GALNT5: variants seen among roughly 807,000 people sequenced by gnomAD.
GALNT5 encodes UDP-GalNAc:polypeptide N-acetylgalactosaminyltransferase 5.
In GALNT5, 72 loss-of-function variants were observed where a neutral mutation model predicts 85.4. The ratio of observed to expected loss-of-function variants is 0.84; its 90% confidence interval spans 0.70 to 1.03. The LOEUF is 1.03. Ranked by LOEUF, GALNT5 falls within the 50% of genes least tolerant of loss-of-function variation. GALNT5 has a pLI of 0.00. For missense variants in GALNT5, 1,137 were observed against 1,135.5 expected, an observed-to-expected ratio of 1.00 and a Z score of -0.02; for synonymous variants, 404 against 397.0, an observed-to-expected ratio of 1.02 and a Z score of -0.21.
intron 5 of GALNT5, 47 bp downstream of exon 5, chr2:157,296,560 G>A (rs1394550900): frequency 1.3e-6 from 2 of 1,487,626 alleles, no homozygotes; most frequent in African/African-American, 1.4e-5. Flanking sequence ...GTATCTTTTT[G>A]TAAAAGCATT....
At position 157,292,864 on chromosome 2, in the gene GALNT5, C is replaced by T. The variant is rs1403745138; in HGVS notation, c.1742-2799C>T. ...GGGGCTACAGGCACACACACACGCC[C>T]GATTGATTTTTGTATTTTTAGTAGA... is the stretch of plus-strand genomic sequence containing the variant. On this transcript the variant is annotated intron_variant, in intron 3 of 9. Coordinates refer to ENST00000259056, the MANE Select transcript of GALNT5 (RefSeq NM_014568.3). Among the ~76,000 whole-genome samples the T allele has an allele frequency of 3.9e-5, 6 of 152,048 alleles. No individual in the cohort carries two copies. In the East Asian group the frequency reaches 5.8e-4, roughly 15 times the overall value.
At chr2:157,262,909 A>G (rs374775117) in intron 1 of GALNT5, among the ~76,000 whole-genome samples, 51 of 144,094 alleles carry the variant, frequency 3.5e-4, no homozygotes, top group Middle Eastern at 7.0e-3. Flanking sequence ...CTCACTGCAA[A>G]CTCCGCCTCC....
At chr2:157,297,289 T>TGATG in intron 5 of GALNT5, among the ~76,000 whole-genome samples, 1 of 152,274 alleles carries the variant, frequency 6.6e-6, no homozygotes, top group Middle Eastern at 3.4e-3. Flanking sequence ...TTGCCAGGTG[T>TGATG]GATGCCTTCA....
chr2:157,301,450 G>C (rs1247665845), intron 7 of GALNT5: 2 of 197,040 alleles, frequency 1.0e-5, no homozygotes, highest in Non-Finnish European at 2.1e-5. Flanking sequence ...TTGTAACTCA[G>C]GCCTAAAACA....
chr2:157,274,790 C>A (rs950119662), intron 1 of GALNT5, among the ~76,000 whole-genome samples: 1 of 152,106 alleles, frequency 6.6e-6, no homozygotes, highest in African/African-American at 2.4e-5. Flanking sequence ...TGCCTGTTCA[C>A]TCTGATGGTA....
intron 8 of GALNT5, among the ~76,000 whole-genome samples, chr2:157,308,006 T>C (rs1683489808): frequency 6.6e-6 from 1 of 152,206 alleles, no homozygotes; most frequent in South Asian, 2.1e-4. Context: ...TGATGATTCC[T>C]CATGCTAGTA....
intron 7 of GALNT5, among the ~76,000 whole-genome samples, chr2:157,304,114 T>C (rs776941516): frequency 5.9e-5 from 9 of 152,216 alleles, no homozygotes; most frequent in Non-Finnish European, 1.0e-4. Context: ...CAGAGAGCAA[T>C]TGCAGCATGC....
At position 157,311,444 on chromosome 2, in the gene GALNT5, CAATTTTAATAACA is replaced by C; in HGVS notation, c.*97_*109del. 1 of 790,102 alleles carries C rather than the reference CAATTTTAATAACA, an allele frequency of 1.3e-6. No individual in the cohort carries two copies. The allele number at this position is 790,102 out of a possible 1,614,324, so 48.9% of individuals were successfully genotyped here. A position where few individuals can be genotyped will look rare whatever the true frequency, so the allele number is the denominator to read the frequency against. On this transcript the variant is annotated 3_prime_UTR_variant, in exon 10 of 10. Transcript: ENST00000259056. Reference sequence around the variant, plus strand: ...ATTTCTCAGCGGTAGTTTAAATTTTCAATTTTAATAACATTTGAATGGAAGATTTTTTATAAAT... The same window carrying C: ...ATTTCTCAGCGGTAGTTTAAATTTTCTTTGAATGGAAGATTTTTTATAAAT...
At chr2:157,304,763 C>G (rs1205116515) in intron 7 of GALNT5, among the ~76,000 whole-genome samples, 3 of 152,170 alleles carry the variant, frequency 2.0e-5, no homozygotes, top group African/African-American at 7.2e-5. Flanking sequence ...ATGTCCCTTA[C>G]TTTCTTGTTC....
At chr2:157,259,670 A>T (rs1190841955) in intron 1 of GALNT5, 134 bp downstream of exon 1, 5 of 605,680 alleles carry the variant, frequency 8.3e-6, no homozygotes, top group Non-Finnish European at 1.3e-5. Context: ...ATTGGATATC[A>T]TTCAAATATT....
rs1031001924 is a variant in GALNT5 at position 157,317,642 on chromosome 2, C to G, written c.*6294C>G. ...TTTTTAAGTACTTTTTCTTTTGCAT[C>G]TGATCGACTGAAGTTATTATAAAGA... On this transcript the variant is annotated 3_prime_UTR_variant, in exon 10 of 10. Coordinates refer to ENST00000259056, the MANE Select transcript of GALNT5 (RefSeq NM_014568.3). Among the ~76,000 whole-genome samples the G allele has an allele frequency of 6.6e-6, 1 of 152,134 alleles. No homozygotes were observed. The highest frequency in any genetic ancestry group is 6.6e-5 in the Admixed American group (1 of 15,260).
In GALNT5 at chr2:157,296,431, G is replaced by T; in HGVS notation, c.1915G>T (p.Val639Leu). The change falls in exon 5 of 10, where the codon GTG (valine) becomes TTG (leucine). Residue 639 changes from valine to leucine, a missense_variant. Val to Leu is a conservative substitution (Grantham distance 32). Transcript: ENST00000259056. The stretch of plus-strand genomic sequence containing the variant: ...GGATAACTTTCAAAGAGGCATCTTT[G>T]TGTGGCCCATGAACTTTGGTTGGAG... ...TVDNFQRGIF[V>L]WPMNFGWRTI... The T allele has an allele frequency of 6.2e-7, 1 of 1,610,088 alleles. No individual in the cohort carries two copies. The highest frequency in any genetic ancestry group is 1.3e-5 in the African/African-American group (1 of 74,964).
intron 5 of GALNT5, among the ~76,000 whole-genome samples, chr2:157,298,533 T>C (rs1255216035): frequency 1.3e-5 from 2 of 152,176 alleles, no homozygotes; most frequent in Non-Finnish European, 2.9e-5. Context: ...GGGCAGCTGG[T>C]AGGGACCTCG....
In GALNT5 at chr2:157,306,475, T is replaced by G. The variant is rs536027672; in HGVS notation, c.2520+646T>G. On this transcript the variant is annotated intron_variant, in intron 8 of 9. Coordinates refer to ENST00000259056, the MANE Select transcript of GALNT5 (RefSeq NM_014568.3). ...GGGAGTCGGGCCAGGAAGCAGGGAA[T>G]AGAGACTCCTTCCACAGTGCTGGAG... Among the ~76,000 whole-genome samples the G allele has an allele frequency of 1.2e-3, 179 of 152,306 alleles. 1 individual carries two copies. Among genetic ancestry groups the G allele is most frequent in the Middle Eastern group, 3.4e-3 (1 of 294 alleles).
At position 157,263,092 on chromosome 2, in the gene GALNT5, G is replaced by T. The variant is rs533790394; in HGVS notation, c.1454+3556G>T. Among the ~76,000 whole-genome samples the T allele has an allele frequency of 2.8e-4, 42 of 151,796 alleles. 1 individual carries two copies. In the South Asian group the frequency reaches 6.6e-3, roughly 24 times the overall value. ...TCTGCCCGCCTTGGCCTCCCAAAATGCTGGGATTGCAGGCGTGAGCCACCG... is the reference window on the plus strand; with the variant it reads ...TCTGCCCGCCTTGGCCTCCCAAAATTCTGGGATTGCAGGCGTGAGCCACCG... On this transcript the variant is annotated intron_variant, in intron 1 of 9. Transcript: ENST00000259056.
rs1188771204 is a variant in GALNT5, at chr2:157,315,661, C to T, written c.*4313C>T. ...GTTTTGCTGTGATCTATCTCTTTGA[C>T]TTCATGCAGAACCTATTCTTTTTCA... On this transcript the variant is annotated 3_prime_UTR_variant, in exon 10 of 10. Coordinates refer to ENST00000259056, the MANE Select transcript of GALNT5 (RefSeq NM_014568.3). Among the ~76,000 whole-genome samples the T allele has an allele frequency of 6.6e-6, 1 of 152,164 alleles. No homozygotes were observed. Among genetic ancestry groups the T allele is most frequent in the Non-Finnish European group, 1.5e-5 (1 of 68,024 alleles).
At chr2:157,303,622 A>T (rs1296501150) in intron 7 of GALNT5, among the ~76,000 whole-genome samples, 1 of 150,260 alleles carries the variant, frequency 6.7e-6, no homozygotes, top group Non-Finnish European at 1.5e-5. Flanking sequence ...CACTTCAGAG[A>T]TGATGTCTAT....
intron 9 of GALNT5, among the ~76,000 whole-genome samples, chr2:157,309,979 G>A (rs1465452806): frequency 6.6e-6 from 1 of 151,996 alleles, no homozygotes. Context: ...AGGGAGGGAA[G>A]GAGAAAGGGG....
intron 3 of GALNT5, among the ~76,000 whole-genome samples, chr2:157,287,236 A>G (rs550324984): frequency 2.0e-5 from 3 of 152,246 alleles, no homozygotes; most frequent in Admixed American, 6.5e-5. Context: ...TTTTCTTACA[A>G]TGTTTTACCC....
Sources: gnomAD v4.1 joint callset for allele counts (sites outside exome capture counted in the v4.1 genomes callset) on GRCh38, gnomAD v4.1.1 for gene constraint, MANE v1.5 for transcripts, NCBI Gene and HGNC (gene_info 2026-07-23, HGNC 2026-07-21) for gene names.